CHL1: variants seen among roughly 807,000 people sequenced by gnomAD.
CHL1 encodes cell adhesion molecule L1 like.
Under a neutral mutation model 141.9 loss-of-function variants are expected in CHL1, and 96 were observed. The ratio of observed to expected loss-of-function variants is 0.68; its 90% CI spans 0.57 to 0.80. The LOEUF (loss-of-function observed/expected upper bound fraction) is 0.80. Ranked by LOEUF, CHL1 falls within the 30% of genes least tolerant of loss-of-function variation. The pLI is 0.00. For synonymous variants in CHL1, 613 were observed against 502.2 expected, an observed-to-expected ratio of 1.22 and a Z score of -2.95; for missense variants, 1,820 against 1,457.2, an observed-to-expected ratio of 1.25 and a Z score of -4.05.
At chr3:250,648 C>T (rs1693604748) in intron 2 of CHL1, among the ~76,000 whole-genome samples, 1 of 152,090 alleles carries the variant, frequency 6.6e-6, no homozygotes, top group African/African-American at 2.4e-5. Context: ...GTGTTTGCTG[C>T]TTGCTGACTG....
At chr3:309,709 C>A (rs562873016) in intron 2 of CHL1, among the ~76,000 whole-genome samples, 1 of 152,154 alleles carries the variant, frequency 6.6e-6, no homozygotes, top group Admixed American at 6.5e-5. Flanking sequence ...GAGATGGGGC[C>A]TCACTATGTT....
At chr3:306,091 A>G (rs1575016601) in intron 2 of CHL1, among the ~76,000 whole-genome samples, 1 of 152,246 alleles carries the variant, frequency 6.6e-6, no homozygotes, top group South Asian at 2.1e-4. Context: ...CTTATTTCTT[A>G]TTCATGGAAA....
chr3:387,852 T>C (rs969437841), intron 19 of CHL1, among the ~76,000 whole-genome samples: 2 of 152,236 alleles, frequency 1.3e-5, no homozygotes, highest in African/African-American at 2.4e-5. Flanking sequence ...ATTTTTTTTT[T>C]CCCTCAGTTA....
At chr3:284,490 G>GT (rs1030284433) in intron 2 of CHL1, among the ~76,000 whole-genome samples, 9 of 152,266 alleles carry the variant, frequency 5.9e-5, no homozygotes, top group African/African-American at 2.2e-4. Context: ...GAAGTCTGAC[G>GT]TTTTTTATTG....
intron 2 of CHL1, among the ~76,000 whole-genome samples, chr3:257,510 T>A: frequency 6.6e-6 from 1 of 152,092 alleles, no homozygotes; most frequent in East Asian, 1.9e-4. Flanking sequence ...CCTGCCACCA[T>A]GCCTGGCTAA....
intron 1 of CHL1, among the ~76,000 whole-genome samples, chr3:239,921 T>A (rs760949395): frequency 6.6e-6 from 1 of 152,208 alleles, no homozygotes; most frequent in African/African-American, 2.4e-5. Context: ...TGAATGCGGT[T>A]AATTTCCTCC....
chr3:355,144 G>T (rs1378344170), intron 11 of CHL1, among the ~76,000 whole-genome samples: 4 of 152,144 alleles, frequency 2.6e-5, no homozygotes, highest in Admixed American at 2.0e-4. Flanking sequence ...TCAAAGTCAG[G>T]ACCTCCTTTA....
chr3:236,127 G>A (rs187603663), intron 1 of CHL1, among the ~76,000 whole-genome samples: 325 of 152,274 alleles, frequency 2.1e-3, no homozygotes, highest in African/African-American at 7.5e-3. Flanking sequence ...TTGGTCTCAG[G>A]CCCTGCTCCG....
At chr3:324,859 G>A (rs986944030) in intron 3 of CHL1, among the ~76,000 whole-genome samples, 1 of 151,746 alleles carries the variant, frequency 6.6e-6, no homozygotes, top group Non-Finnish European at 1.5e-5. Flanking sequence ...CAAAGTGTTG[G>A]GATTACAGGT....
intron 1 of CHL1, among the ~76,000 whole-genome samples, chr3:223,961 A>T (rs1174906690): frequency 6.6e-6 from 1 of 152,176 alleles, no homozygotes; most frequent in Non-Finnish European, 1.5e-5. Flanking sequence ...GGCCTGCCCA[A>T]ATGCAAGAGT....
In CHL1 at chr3:408,038, A is replaced by ATTGTGAAATT. The variant is rs1281970268; in HGVS notation, c.*2328_*2337dup. On this transcript the variant is annotated 3_prime_UTR_variant, in exon 28 of 28. Transcript: ENST00000256509. ...AGATCTATGATTGACCCTGATTTTA[A>ATTGTGAAATT]TTGTGAAATTATATGATTCATATAT... 2.6e-5 allele frequency: 4 copies of ATTGTGAAATT among 152,276 alleles called. No homozygotes were observed. The highest frequency in any genetic ancestry group is 1.5e-5 in the Non-Finnish European group (1 of 68,014). The allele number at this position is 152,276 out of a possible 1,614,324, so 9.4% of individuals were successfully genotyped here.
intron 1 of CHL1, among the ~76,000 whole-genome samples, chr3:226,486 G>T (rs558801514): frequency 4.7e-5 from 7 of 150,078 alleles, no homozygotes; most frequent in African/African-American, 1.7e-4. Context: ...CTGTCGCCCA[G>T]GCTGGGGTGC....
At chr3:291,416 T>C (rs924052827) in intron 2 of CHL1, among the ~76,000 whole-genome samples, 2 of 151,928 alleles carry the variant, frequency 1.3e-5, no homozygotes, top group Admixed American at 6.6e-5. Flanking sequence ...AGATTGATTT[T>C]AGTTTTATTT....
intron 3 of CHL1, among the ~76,000 whole-genome samples, chr3:321,915 T>G (rs928158932): frequency 6.6e-5 from 10 of 152,094 alleles, no homozygotes; most frequent in Non-Finnish European, 1.3e-4. Flanking sequence ...TATATATTCT[T>G]ATAAACACCC....
chr3:364,645 T>C (rs1285941346), intron 14 of CHL1, among the ~76,000 whole-genome samples: 1 of 152,176 alleles, frequency 6.6e-6, no homozygotes, highest in East Asian at 1.9e-4. Context: ...CACTTTTTTT[T>C]TTACATATAC....
intron 5 of CHL1, among the ~76,000 whole-genome samples, chr3:334,075 A>G (rs9858162): frequency 0.86 from 130,558 of 152,176 alleles, 56,077 homozygotes; most frequent in East Asian, 0.99. Flanking sequence ...TTCCACCTAA[A>G]CCTACCCAGT....
intron 1 of CHL1, among the ~76,000 whole-genome samples, chr3:242,506 G>A (rs1432934168): frequency 6.6e-6 from 1 of 151,904 alleles, no homozygotes; most frequent in Non-Finnish European, 1.5e-5. Context: ...TGAGGCAGGA[G>A]AATGGCTTGA....
chr3:208,739 G>T (rs1199993700), intron 1 of CHL1, among the ~76,000 whole-genome samples: 2 of 152,182 alleles, frequency 1.3e-5, no homozygotes, highest in African/African-American at 4.8e-5. Flanking sequence ...TAAAACCGAA[G>T]TGGAAAATGG....
intron 2 of CHL1, among the ~76,000 whole-genome samples, chr3:267,749 T>C (rs1404984219): frequency 6.6e-6 from 1 of 152,182 alleles, no homozygotes; most frequent in Non-Finnish European, 1.5e-5. Flanking sequence ...ATGTGAAAGA[T>C]TATACAGTTT....
Sources: gnomAD v4.1 joint callset for allele counts (sites outside exome capture counted in the v4.1 genomes callset) on GRCh38, gnomAD v4.1.1 for gene constraint, MANE v1.5 for transcripts, NCBI Gene and HGNC (gene_info 2026-07-23, HGNC 2026-07-21) for gene names.